The following NDUFAF6 variants were observed in gnomAD, a reference collection of about 807,000 sequenced individuals.
NDUFAF6 encodes the protein NADH:ubiquinone oxidoreductase complex assembly factor 6, also known as NADH dehydrogenase (ubiquinone) complex I, assembly factor 6.
In NDUFAF6, 45 loss-of-function variants were observed where a neutral mutation model predicts 40.8. The ratio of observed to expected loss-of-function variants is 1.10; its 90% CI spans 0.87 to 1.42. NDUFAF6 has a LOEUF of 1.42. NDUFAF6 is among the 40% of genes most tolerant of loss of function. NDUFAF6 has a pLI of 0.00. For synonymous variants in NDUFAF6, 185 were observed against 155.9 expected (o/e 1.19, Z -1.39); for missense variants, 435 against 418.5 (o/e 1.04, Z -0.34).
chr8:95,059,450 T>A (rs753894377), downstream of NDUFAF6, among the ~76,000 whole-genome samples: 10 of 152,148 alleles, frequency 6.6e-5, no homozygotes, highest in Non-Finnish European at 1.0e-4. Context: ...TGCAATGTGG[T>A]TGTATATGCT....
At chr8:95,018,377 G>A (rs566507799) in intron 2 of NDUFAF6, among the ~76,000 whole-genome samples, 5 of 152,194 alleles carry the variant, frequency 3.3e-5, no homozygotes, top group African/African-American at 7.2e-5. Flanking sequence ...CACCAATACA[G>A]TGAGGGTTTC....
At chr8:95,002,447 AAC>A (rs149927186) in intron 2 of NDUFAF6, among the ~76,000 whole-genome samples, 1,537 of 152,304 alleles carry the variant, frequency 0.01, 28 homozygotes, top group African/African-American at 0.035. Context: ...ACTTTTAGTG[AAC>A]ACACCTACTA....
At chr8:95,023,814 A>T (rs556937765), upstream of NDUFAF6, among the ~76,000 whole-genome samples, 17 of 152,214 alleles carry the variant, frequency 1.1e-4, no homozygotes, top group South Asian at 2.7e-3. Flanking sequence ...AACATGGTGA[A>T]ACCTCATCTC....
At chr8:95,065,298 G>C (rs1024304879) in intron 9 of NDUFAF6, among the ~76,000 whole-genome samples, 2 of 152,172 alleles carry the variant, frequency 1.3e-5, no homozygotes, top group African/African-American at 4.8e-5. Flanking sequence ...TGGATCTGAC[G>C]CTATCTCTAG....
intron 8 of NDUFAF6, among the ~76,000 whole-genome samples, chr8:95,057,528 G>A (rs1339349680): frequency 6.6e-6 from 1 of 152,136 alleles, no homozygotes; most frequent in Non-Finnish European, 1.5e-5. Context: ...CCAGGCAAAC[G>A]TGATTTTGCT....
intron 2 of NDUFAF6, among the ~76,000 whole-genome samples, chr8:94,995,889 C>T (rs1482211605): frequency 1.3e-5 from 2 of 152,194 alleles, no homozygotes; most frequent in African/African-American, 2.4e-5. Context: ...GCAAATCTCC[C>T]GTCTCAGCCT....
At position 95,041,699 on chromosome 8, in the gene NDUFAF6, A is replaced by G. The variant is rs1023721241; in HGVS notation, c.477+73A>G. On this transcript the variant is annotated intron_variant, in intron 4 of 8. Coordinates refer to ENST00000396124, the MANE Select transcript of NDUFAF6 (RefSeq NM_152416.4). The stretch of plus-strand genomic sequence containing the variant: ...CTTAAGCTAATTCTTCAAGAAGGAC[A>G]TTTTTTGACTGTATATTAATATTTT... The G allele has an allele frequency of 1.1e-5, 13 of 1,202,430 alleles. No individual in the cohort carries two copies. The African/African-American group carries it at 1.9e-4, about 18-fold the overall frequency. 74.5% of individuals were successfully genotyped at this position (1,202,430 alleles called of 1,614,324 possible).
At chr8:94,979,791 C>G (rs780102629) in intron 1 of NDUFAF6, among the ~76,000 whole-genome samples, 1 of 152,146 alleles carries the variant, frequency 6.6e-6, no homozygotes, top group Non-Finnish European at 1.5e-5. Context: ...CGAACTTTAT[C>G]CATAGAAGAC....
intron 9 of NDUFAF6, chr8:95,066,719 C>G (rs1046491104): frequency 5.3e-5 from 8 of 152,134 alleles, no homozygotes; most frequent in African/African-American, 1.9e-4. Context: ...GCAGCAGAAA[C>G]AAGGAAGACG....
upstream of NDUFAF6, among the ~76,000 whole-genome samples, chr8:95,099,554 T>A (rs550377138): frequency 1.3e-5 from 2 of 151,038 alleles, no homozygotes; most frequent in South Asian, 4.2e-4. Context: ...AAGATCAGCC[T>A]GGGCAACATA....
In NDUFAF6 at chr8:94,939,879, G is replaced by A. The variant is rs781182457; in HGVS notation, c.-935-5604G>A. ...ACGTACCTGGGACTACTTGGGCTATGTAATTCATCAGTCCCACGGGTGGCC... is the reference window on the plus strand; with the variant it reads ...ACGTACCTGGGACTACTTGGGCTATATAATTCATCAGTCCCACGGGTGGCC... On this transcript the variant is annotated intron_variant, in intron 1 of 14. Transcript: ENST00000396113. 8.7e-6 allele frequency: 14 copies of A among 1,613,266 alleles called. No homozygotes were observed. The African/African-American group carries it at 9.3e-5, about 11-fold the overall frequency.
intron 8 of NDUFAF6, among the ~76,000 whole-genome samples, chr8:95,055,017 T>C (rs964926713): frequency 1.8e-4 from 27 of 152,254 alleles, no homozygotes; most frequent in African/African-American, 6.3e-4. Context: ...AATCAATTTG[T>C]TACTCAGTTT....
At chr8:95,043,733 A>G (rs971818668) in intron 4 of NDUFAF6, among the ~76,000 whole-genome samples, 2 of 152,214 alleles carry the variant, frequency 1.3e-5, no homozygotes, top group African/African-American at 4.8e-5. Flanking sequence ...ATGCACGATA[A>G]CAAGTATTGG....
At chr8:94,980,451 T>TG (rs1219840210) in intron 1 of NDUFAF6, among the ~76,000 whole-genome samples, 13 of 145,252 alleles carry the variant, frequency 8.9e-5, no homozygotes, top group African/African-American at 3.0e-4. Flanking sequence ...TGTTTTTTTT[T>TG]TTTTTTTTTT....
chr8:94,976,663 G>A (rs1434430471), intron 1 of NDUFAF6, among the ~76,000 whole-genome samples: 1 of 123,210 alleles, frequency 8.1e-6, no homozygotes, highest in East Asian at 2.6e-4. Flanking sequence ...AACAGAGCAA[G>A]ACTTCATCTA....
chr8:94,996,331 A>G (rs561883195), intron 2 of NDUFAF6, among the ~76,000 whole-genome samples: 2 of 152,272 alleles, frequency 1.3e-5, no homozygotes, highest in African/African-American at 4.8e-5. Flanking sequence ...ATCTTCTCTA[A>G]GATACTTTCC....
intron 1 of NDUFAF6, among the ~76,000 whole-genome samples, chr8:94,973,475 A>G (rs190998357): frequency 0.084 from 12,838 of 152,120 alleles, 712 homozygotes; most frequent in Middle Eastern, 0.19. Context: ...TTGGGAGGCT[A>G]AGGCGGGCAG....
chr8:94,897,315 T>C (rs2131150197), intron 1 of NDUFAF6, among the ~76,000 whole-genome samples: 1 of 152,232 alleles, frequency 6.6e-6, no homozygotes, highest in East Asian at 1.9e-4. Context: ...AATGCAATCA[T>C]AGTAAAGGAG....
At chr8:95,005,552 T>TATAA (rs1309264474) in intron 2 of NDUFAF6, among the ~76,000 whole-genome samples, 1 of 112,204 alleles carries the variant, frequency 8.9e-6, no homozygotes, top group Non-Finnish European at 2.0e-5. Context: ...TATATATATA[T>TATAA]AAAAAATATA....
Sources: gnomAD v4.1 joint callset for allele counts (sites outside exome capture counted in the v4.1 genomes callset) on GRCh38, gnomAD v4.1.1 for gene constraint, MANE v1.5 for transcripts, NCBI Gene and HGNC (gene_info 2026-07-23, HGNC 2026-07-21) for gene names.